The following AKT1S1 variants were observed in gnomAD, a reference collection of about 807,000 sequenced individuals.
The protein encoded by AKT1S1 is AKT1 substrate 1, also known as proline-rich AKT1 substrate 1.
Under a neutral mutation model 21.2 loss-of-function variants are expected in AKT1S1, and 17 were observed. That is an observed-to-expected ratio of 0.80 (90% CI 0.55 to 1.20). The LOEUF (loss-of-function observed/expected upper bound fraction) is 1.20. AKT1S1 is among the 50% of genes most tolerant of loss of function. AKT1S1 has a pLI of 0.00. For missense variants in AKT1S1, 366 were observed against 368.3 expected (o/e 0.99, Z 0.05); for synonymous variants, 181 against 165.6 (o/e 1.09, Z -0.72).
At chr19:49,876,271 A>T in intron 1 of AKT1S1, 1 of 1,155,522 alleles carries the variant, frequency 8.7e-7, no homozygotes, top group Non-Finnish European at 1.1e-6. Flanking sequence ...GGAGGCCAGG[A>T]CCGGAAGTCC....
In AKT1S1 at chr19:49,871,652, G is replaced by A. The variant is rs367625430; in HGVS notation, c.522C>T (p.Ala174=). The A allele has an allele frequency of 4.3e-6, 7 of 1,613,926 alleles. No individual in the cohort carries two copies. The African/African-American group carries it at 9.3e-5, about 22-fold the overall frequency. ...ACTTGGCGTACTGCTGTGTGGGTAG[G>A]GCTGAGGCTGGGGGCACTGAGCAGG... is the stretch of plus-strand genomic sequence containing the variant. ...PPTCSVPPAS[A]LPTQQYAKSL... The change falls in exon 4 of 5, where the codon GCC becomes GCT. Residue 174 remains alanine (A), a synonymous_variant. Coordinates refer to ENST00000344175, the MANE Select transcript of AKT1S1 (RefSeq NM_001098633.4).
chr19:49,876,326 C>A, intron 1 of AKT1S1: 3 of 1,197,396 alleles, frequency 2.5e-6, no homozygotes, highest in Non-Finnish European at 3.1e-6. Flanking sequence ...CCCAAACCAT[C>A]CCCCGACCCC....
At position 49,871,126 on chromosome 19, in the gene AKT1S1, G is replaced by A. The variant is rs373536259; in HGVS notation, c.627+421C>T. On this transcript the variant is annotated intron_variant, in intron 4 of 4. Transcript: ENST00000344175. ...GACCCACCTAGGCCAGCAGAGCCCA[G>A]CCCAGGAGCTTCAAACAGGGGTTGC... Among the ~76,000 whole-genome samples, 17 of 152,312 alleles carry A rather than the reference G, an allele frequency of 1.1e-4. 2 individuals are homozygous for A. Among genetic ancestry groups the A allele is most frequent in the Admixed American group, 9.8e-4 (15 of 15,310 alleles).
chr19:49,875,077 T>C (rs1243378321), intron 1 of AKT1S1: 8 of 152,172 alleles, frequency 5.3e-5, no homozygotes, highest in African/African-American at 1.9e-4. Context: ...ATCCCACCCT[T>C]TCACCTACAC....
chr19:49,876,698 C>T, intron 1 of AKT1S1: 3 of 1,438,700 alleles, frequency 2.1e-6, no homozygotes, highest in Non-Finnish European at 2.8e-6. Flanking sequence ...CCCGCCTCCT[C>T]TCCGCACACT....
Position 49,869,669 on chromosome 19 carries a change from A to G in AKT1S1, c.*248T>C, listed in dbSNP as rs1379823709. On this transcript the variant is annotated 3_prime_UTR_variant, in exon 5 of 5. Transcript: ENST00000344175. ...ACTCAGCGAGCCAATCCCTTAATAGAAGGAATCTGTCGCTAGGCGGAGAGA... is the reference window on the plus strand; with the variant it reads ...ACTCAGCGAGCCAATCCCTTAATAGGAGGAATCTGTCGCTAGGCGGAGAGA... 1 of 418,250 alleles carries G rather than the reference A, an allele frequency of 2.4e-6. No individual in the cohort carries two copies. Among genetic ancestry groups the G allele is most frequent in the Non-Finnish European group, 4.2e-6 (1 of 235,494 alleles). The allele number at this position is 418,250 out of a possible 1,614,324, so 25.9% of individuals were successfully genotyped here.
At position 49,870,032 on chromosome 19, in the gene AKT1S1, G is replaced by A; in HGVS notation, c.656C>T (p.Ala219Val). The change falls in exon 5 of 5, where the codon GCG becomes GTG. Residue 219 changes from alanine to valine, a missense_variant. Ala to Val is a moderately conservative substitution (Grantham distance 64). Transcript: ENST00000344175. ...CAGCACCAGCGCGCGCATGCTCGCCGCGATGCGGTCCAGGTCGGGCGAAGA... is the reference window on the plus strand; with the variant it reads ...CAGCACCAGCGCGCGCATGCTCGCCACGATGCGGTCCAGGTCGGGCGAAGA... The part of the protein sequence containing the change: ...PPSSPDLDRI[A>V]ASMRALVLRE... 1.3e-6 allele frequency: 2 copies of A among 1,555,364 alleles called. No homozygotes were observed. Among genetic ancestry groups the A allele is most frequent in the Admixed American group, 1.8e-5 (1 of 54,712 alleles).
At chr19:49,871,962 C>G in intron 2 of AKT1S1, 73 bp from the exon 3 acceptor site, 1 of 1,486,216 alleles carries the variant, frequency 6.7e-7, no homozygotes, top group Admixed American at 1.8e-5. Context: ...CCTCCTCAGC[C>G]ACGGCCACTG....
chr19:49,872,387 G>A (rs897782534), intron 2 of AKT1S1, among the ~76,000 whole-genome samples: 2 of 152,178 alleles, frequency 1.3e-5, no homozygotes, highest in Non-Finnish European at 2.9e-5. Flanking sequence ...GGACCTCCTA[G>A]TGACTGATCA....
intron 1 of AKT1S1, chr19:49,875,401 G>C (rs1461200936): frequency 1.3e-5 from 2 of 150,092 alleles, no homozygotes; most frequent in Non-Finnish European, 3.0e-5. Flanking sequence ...TGGCAAAAAA[G>C]CACACAGCTA....
At chr19:49,875,659 G>A (rs1194403292) in intron 1 of AKT1S1, among the ~76,000 whole-genome samples, 1 of 152,204 alleles carries the variant, frequency 6.6e-6, no homozygotes, top group African/African-American at 2.4e-5. Context: ...GGTCCCGGAA[G>A]AGAACGTCAG....
At chr19:49,870,507 G>GTC (rs2074872467) in intron 4 of AKT1S1, among the ~76,000 whole-genome samples, 2 of 152,182 alleles carry the variant, frequency 1.3e-5, no homozygotes, top group South Asian at 4.1e-4. Flanking sequence ...GGATAACAGG[G>GTC]TCTCTGTGAG....
At position 49,873,493 on chromosome 19, in the gene AKT1S1, C is replaced by T; in HGVS notation, c.-7-191G>A. The T allele has an allele frequency of 9.0e-7, 1 of 1,108,834 alleles. No homozygotes were observed. Among genetic ancestry groups the T allele is most frequent in the South Asian group, 2.0e-5 (1 of 49,436 alleles). The allele number at this position is 1,108,834 out of a possible 1,614,324, so 68.7% of individuals were successfully genotyped here. A position where few individuals can be genotyped will look rare whatever the true frequency, so the allele number is the denominator to read the frequency against. The stretch of plus-strand genomic sequence containing the variant: ...ACCATCCAGTCCTCGCAGGCCCAGA[C>T]CCTGGCGACGTCCTCTGCCCCAACC... On this transcript the variant is annotated intron_variant, in intron 1 of 4. Coordinates refer to ENST00000344175, the MANE Select transcript of AKT1S1 (RefSeq NM_001098633.4). This position sits in a 1 kb window ranked among gnomAD's most constrained non-coding sequence, Gnocchi z 6.9.
At chr19:49,874,994 C>G (rs904973496) in intron 1 of AKT1S1, 7 of 152,370 alleles carry the variant, frequency 4.6e-5, no homozygotes, top group African/African-American at 1.7e-4. Context: ...GTTCAAAGCC[C>G]CAAGGGAAGG....
rs1344092363 is a variant in AKT1S1, at chr19:49,869,685, G to A, written c.*232C>T. ...CCTTAATAGAAGGAATCTGTCGCTA[G>A]GCGGAGAGAGACGACAGACCCAATC... is the stretch of plus-strand genomic sequence containing the variant. On this transcript the variant is annotated 3_prime_UTR_variant, in exon 5 of 5. Coordinates refer to ENST00000344175, the MANE Select transcript of AKT1S1 (RefSeq NM_001098633.4). The A allele has an allele frequency of 1.4e-5, 6 of 444,014 alleles. No individual in the cohort carries two copies. The highest frequency in any genetic ancestry group is 1.6e-5 in the Non-Finnish European group (4 of 252,884). 27.5% of individuals were successfully genotyped at this position (444,014 alleles called of 1,614,324 possible). A position where few individuals can be genotyped will look rare whatever the true frequency, so the allele number is the denominator to read the frequency against.
rs1600433539 is a variant in AKT1S1, at chr19:49,873,584, C to T, written c.-7-282G>A. 4.4e-6 allele frequency: 2 copies of T among 450,524 alleles called. No homozygotes were observed. Among genetic ancestry groups the T allele is most frequent in the Admixed American group, 4.5e-5 (1 of 22,100 alleles). The allele number at this position is 450,524 out of a possible 1,614,324, so 27.9% of individuals were successfully genotyped here. On this transcript the variant is annotated intron_variant, in intron 1 of 4. Transcript: ENST00000344175. This position sits in a 1 kb window ranked among gnomAD's most constrained non-coding sequence, Gnocchi z 6.9. Reference sequence around the variant, plus strand: ...GCCCTGCCCTGGCCTCTGTGGGAGCCGCCAGCCACATGTGAACAGGGAGTA... The same window carrying T: ...GCCCTGCCCTGGCCTCTGTGGGAGCTGCCAGCCACATGTGAACAGGGAGTA...
In AKT1S1 at chr19:49,873,221, G is replaced by A. The variant is rs1331340402; in HGVS notation, c.75C>T (p.Gly25=). 1.3e-6 allele frequency: 2 copies of A among 1,535,048 alleles called. No individual in the cohort carries two copies. The highest frequency in any genetic ancestry group is 1.7e-6 in the Non-Finnish European group (2 of 1,150,312). ...CCGCGGTCAGCAGCACCAGCTCCGTGCCAGTCCGGGCCCGGAAGCGCTCAG... is the reference window on the plus strand; with the variant it reads ...CCGCGGTCAGCAGCACCAGCTCCGTACCAGTCCGGGCCCGGAAGCGCTCAG... ...GAAERFRART[G]TELVLLTAAP... The change falls in exon 2 of 5, where the codon GGC becomes GGT. Residue 25 remains glycine, a synonymous_variant. Transcript: ENST00000344175. This position sits in a 1 kb window ranked among gnomAD's most constrained non-coding sequence, Gnocchi z 6.9.
chr19:49,873,419 C>T lies in AKT1S1; in HGVS notation c.-7-117G>A. 1 of 1,360,820 alleles carries T rather than the reference C, an allele frequency of 7.3e-7. No homozygotes were observed. The highest frequency in any genetic ancestry group is 9.4e-7 in the Non-Finnish European group (1 of 1,062,396). 84.3% of individuals were successfully genotyped at this position (1,360,820 alleles called of 1,614,324 possible). ...CTCACCACCCTCCACCCACCTTGTC[C>T]CAGCGGTGCTGTGTGTCCTCCCCAA... On this transcript the variant is annotated intron_variant, in intron 1 of 4. Transcript: ENST00000344175. This position sits in a 1 kb window ranked among gnomAD's most constrained non-coding sequence, Gnocchi z 6.9.
Position 49,869,887 on chromosome 19 carries a change from A to T in AKT1S1, c.*30T>A. The T allele has an allele frequency of 6.9e-7, 1 of 1,456,618 alleles. No homozygotes were observed. Among genetic ancestry groups the T allele is most frequent in the South Asian group, 1.3e-5 (1 of 74,166 alleles). The allele number at this position is 1,456,618 out of a possible 1,614,324, so 90.2% of individuals were successfully genotyped here. A position where few individuals can be genotyped will look rare whatever the true frequency, so the allele number is the denominator to read the frequency against. On this transcript the variant is annotated 3_prime_UTR_variant, in exon 5 of 5. Coordinates refer to ENST00000344175, the MANE Select transcript of AKT1S1 (RefSeq NM_001098633.4). The stretch of plus-strand genomic sequence containing the variant: ...GGGGGCGTAGTGTGGGACGGGGCGG[A>T]CGCGGCCCGGGGCGCTCCCTCCCTG...
Sources: gnomAD v4.1 joint callset for allele counts (sites outside exome capture counted in the v4.1 genomes callset) on GRCh38, gnomAD v4.1.1 for gene constraint, Gnocchi (gnomAD v3.1) non-coding constraint, MANE v1.5 for transcripts, NCBI Gene and HGNC (gene_info 2026-07-23, HGNC 2026-07-21) for gene names.